Variants in TMEM272 observed in about 807,000 individuals in gnomAD.
TMEM272 encodes the protein long intergenic non-protein coding RNA 282.
A neutral mutation model predicts 3.7 loss-of-function variants in TMEM272; 8 were observed. The observed-to-expected ratio is 2.17, with a 90% CI of 1.27 to 3.91. TMEM272 has a LOEUF of 3.91. TMEM272 is among the 30% of genes most tolerant of loss of function. The pLI is 0.00. For missense variants in TMEM272, 166 were observed against 91.5 expected (o/e 1.81, Z -3.32); for synonymous variants, 63 against 39.8 (o/e 1.58, Z -2.20).
chr13:51,888,927 G>A, the TMEM272 span, among the ~76,000 whole-genome samples: 8 of 152,174 alleles, frequency 5.3e-5, no homozygotes, highest in Non-Finnish European at 8.8e-5. Context: ...TTACAGGTAT[G>A]AGCCACTCTG....
chr13:51,864,393 C>G, the TMEM272 span, among the ~76,000 whole-genome samples: 1 of 152,216 alleles, frequency 6.6e-6, no homozygotes, highest in Non-Finnish European at 1.5e-5. Flanking sequence ...GACTTTGGGA[C>G]TCACTTCCTT....
the TMEM272 span, among the ~76,000 whole-genome samples, chr13:51,863,665 G>T: frequency 9.6e-6 from 1 of 103,856 alleles, no homozygotes; most frequent in African/African-American, 4.5e-5. Flanking sequence ...ATATGCACGC[G>T]CACACAGACA....
chr13:51,909,652 C>G, the TMEM272 span: 1 of 1,517,054 alleles, frequency 6.6e-7, no homozygotes, highest in Non-Finnish European at 9.1e-7. Context: ...GTTAAAGAAG[C>G]ATTTAACTTA....
At chr13:51,913,693 C>T in the TMEM272 span, among the ~76,000 whole-genome samples, 1 of 152,150 alleles carries the variant, frequency 6.6e-6, no homozygotes, top group African/African-American at 2.4e-5. Context: ...AGGAAGTCTC[C>T]AGAGGATTGG....
intron 4 of TMEM272, among the ~76,000 whole-genome samples, chr13:51,819,000 G>A (rs1208883135): frequency 6.6e-6 from 1 of 152,180 alleles, no homozygotes; most frequent in Admixed American, 6.5e-5. Context: ...TAAATCGGAG[G>A]AAATTAAATT....
the TMEM272 span, among the ~76,000 whole-genome samples, chr13:51,867,011 G>A: frequency 3.3e-5 from 5 of 152,222 alleles, no homozygotes; most frequent in African/African-American, 1.2e-4. Flanking sequence ...TGGGGGTGGG[G>A]AGATTAGATG....
At chr13:51,909,232 C>G in the TMEM272 span, 4 of 1,228,950 alleles carry the variant, frequency 3.3e-6, no homozygotes, top group African/African-American at 4.5e-5. Context: ...GCAGTCCATG[C>G]TGCCAAACAA....
the TMEM272 span, among the ~76,000 whole-genome samples, chr13:51,895,260 G>A: frequency 6.6e-6 from 1 of 152,192 alleles, no homozygotes; most frequent in Non-Finnish European, 1.5e-5. Flanking sequence ...ATGTGGTATT[G>A]GGGTGGTTTG....
At chr13:51,818,313 G>C (rs1435805676) in intron 4 of TMEM272, among the ~76,000 whole-genome samples, 2 of 152,222 alleles carry the variant, frequency 1.3e-5, no homozygotes, top group Admixed American at 6.5e-5. Context: ...GAGACAGAGA[G>C]ATGGGAACAG....
At chr13:51,920,853 GAC>G in the TMEM272 span, among the ~76,000 whole-genome samples, 1 of 152,166 alleles carries the variant, frequency 6.6e-6, no homozygotes, top group African/African-American at 2.4e-5. Context: ...CTACAATTGC[GAC>G]AGTCACCTAA....
chr13:51,830,992 C>A (rs563538473), intron 2 of TMEM272, among the ~76,000 whole-genome samples: 1 of 152,272 alleles, frequency 6.6e-6, no homozygotes, highest in African/African-American at 2.4e-5. Flanking sequence ...TCTAATGAGG[C>A]TCACTCTTGC....
chr13:51,844,974 G>C (rs1387993879), intron 1 of TMEM272, 42 bp downstream of exon 1: 1 of 152,226 alleles, frequency 6.6e-6, no homozygotes, highest in African/African-American at 2.4e-5. Context: ...TGCTAGGACT[G>C]TCTCTCCAAC....
the TMEM272 span, among the ~76,000 whole-genome samples, chr13:51,863,246 A>C: frequency 6.6e-6 from 1 of 152,226 alleles, no homozygotes; most frequent in African/African-American, 2.4e-5. Flanking sequence ...GAGAGGGAGA[A>C]GCAAGCTGGA....
intron 1 of TMEM272, among the ~76,000 whole-genome samples, chr13:51,844,255 T>G (rs1956286586): frequency 6.6e-6 from 1 of 152,110 alleles, no homozygotes; most frequent in Non-Finnish European, 1.5e-5. Context: ...CATATATATA[T>G]ATGATTGTGT....
At chr13:51,863,181 G>A in the TMEM272 span, among the ~76,000 whole-genome samples, 1 of 152,222 alleles carries the variant, frequency 6.6e-6, no homozygotes, top group Non-Finnish European at 1.5e-5. Context: ...GAGCTGAATA[G>A]AGCCCGTTAA....
intron 2 of TMEM272, among the ~76,000 whole-genome samples, 161 bp downstream of exon 2, chr13:51,838,312 C>T (rs761502711): frequency 6.6e-6 from 1 of 152,164 alleles, no homozygotes; most frequent in African/African-American, 2.4e-5. Flanking sequence ...AGAAAGCAGC[C>T]AACCGAGGGC....
the TMEM272 span, among the ~76,000 whole-genome samples, chr13:51,859,950 T>TCCCCCCCGG: frequency 6.6e-6 from 1 of 151,998 alleles, no homozygotes; most frequent in Admixed American, 6.6e-5. Context: ...TGGAGTGCAG[T>TCCCCCCCGG]GGCACGATCA....
At position 51,816,478 on chromosome 13, in the gene TMEM272, A is replaced by T. The variant is rs1386189362; in HGVS notation, c.*273T>A. Reference sequence around the variant, plus strand: ...ACACTTCATACCCTCAAAAACAATTATCCCTTTGAAAACTCTTGTGAGAAC... The same window carrying T: ...ACACTTCATACCCTCAAAAACAATTTTCCCTTTGAAAACTCTTGTGAGAAC... On this transcript the variant is annotated 3_prime_UTR_variant, in exon 5 of 5. Coordinates refer to ENST00000629372, the MANE Select transcript of TMEM272 (RefSeq NM_001351003.2). 2 of 356,940 alleles carry T rather than the reference A, an allele frequency of 5.6e-6. No homozygotes were observed. Among genetic ancestry groups the T allele is most frequent in the Admixed American group, 4.2e-5 (1 of 23,896 alleles). 22.1% of individuals were successfully genotyped at this position (356,940 alleles called of 1,614,324 possible). A position where few individuals can be genotyped will look rare whatever the true frequency, so the allele number is the denominator to read the frequency against.
chr13:51,874,950 A>G, the TMEM272 span, among the ~76,000 whole-genome samples: 2 of 152,180 alleles, frequency 1.3e-5, no homozygotes. Flanking sequence ...GTCACTGCAC[A>G]CTGAGCTGCA....
Sources: allele counts gnomAD v4.1 joint callset (sites outside exome capture counted in the v4.1 genomes callset), GRCh38; gene constraint gnomAD v4.1.1; transcripts MANE v1.5; gene names NCBI Gene and HGNC (gene_info 2026-07-23, HGNC 2026-07-21).